HSPG2: variants seen among roughly 807,000 people sequenced by gnomAD.
HSPG2 encodes the protein heparan sulfate proteoglycan 2.
Under a neutral mutation model 526.6 loss-of-function variants are expected in HSPG2, and 278 were observed. The ratio of observed to expected loss-of-function variants is 0.53; its 90% CI spans 0.48 to 0.58. The LOEUF is 0.58. Ranked by LOEUF, HSPG2 falls within the 20% of genes least tolerant of loss-of-function variation. HSPG2 has a pLI of 0.00. For synonymous variants in HSPG2, 2,465 were observed against 2,555.4 expected, an observed-to-expected ratio of 0.96 and a Z score of 1.07; for missense variants, 5,354 against 6,099.5, an observed-to-expected ratio of 0.88 and a Z score of 4.07.
chr1:21,855,985 C>T, intron 44 of HSPG2, 73 bp from the exon 45 acceptor site: 1 of 1,575,906 alleles, frequency 6.3e-7, no homozygotes, highest in South Asian at 1.1e-5. Flanking sequence ...GTCCTGCTGC[C>T]TACTTTCTCT....
intron 1 of HSPG2, among the ~76,000 whole-genome samples, chr1:21,901,714 G>A (rs1572410669): frequency 1.3e-5 from 2 of 152,196 alleles, no homozygotes; most frequent in African/African-American, 4.8e-5. Context: ...GGCTGCAGCT[G>A]CCCAGGGCCA....
intron 85 of HSPG2, 107 bp downstream of exon 85, chr1:21,830,875 G>A: frequency 1.4e-6 from 1 of 724,474 alleles, no homozygotes; most frequent in East Asian, 2.7e-5. Flanking sequence ...GGTGAGAGTG[G>A]GGGGTGTGGA....
Position 21,872,324 on chromosome 1 carries a change from T to C in HSPG2, c.4083A>G (p.Pro1361=), listed in dbSNP as rs1438977805. 1.3e-6 allele frequency: 2 copies of C among 1,579,408 alleles called. No individual in the cohort carries two copies. Among genetic ancestry groups the C allele is most frequent in the African/African-American group, 1.4e-5 (1 of 74,016 alleles). Reference sequence around the variant, plus strand: ...CTCCTGTCAGGCGGCTGTTTCGCTGTGGGTTCACCAGGGCAAAGCCTTGGA... The same window carrying C: ...CTCCTGTCAGGCGGCTGTTTCGCTGCGGGTTCACCAGGGCAAAGCCTTGGA... ...GDFQGFALVN[P]QRNSRLTGEF... Residue 1361 remains proline (P), a synonymous_variant, in exon 33 of 97, where the codon CCA becomes CCG. Transcript: ENST00000374695. This position sits in a 1 kb window ranked among gnomAD's most constrained non-coding sequence, Gnocchi z 5.5.
chr1:21,874,890 C>T lies in HSPG2; in HGVS notation c.3414+1G>A, dbSNP rs779596412. On this transcript the variant is annotated splice_donor_variant, in intron 26 of 96. Transcript: ENST00000374695. LOFTEE classifies it high-confidence loss of function. ...GGGCTGGCGTGGGGCCCAGGACTCA[C>T]CTGGCAGGACGGCCCACGGTACCCG... is the stretch of plus-strand genomic sequence containing the variant. The T allele has an allele frequency of 1.2e-6, 2 of 1,610,366 alleles. No homozygotes were observed. Among genetic ancestry groups the T allele is most frequent in the Admixed American group, 1.7e-5 (1 of 59,738 alleles).
At position 21,875,661 on chromosome 1, in the gene HSPG2, T is replaced by C. The variant is rs775125965; in HGVS notation, c.3270A>G (p.Arg1090=). Residue 1090 remains arginine (R), a synonymous_variant, in exon 25 of 97, where the codon CGA becomes CGG. Coordinates refer to ENST00000374695, the MANE Select transcript of HSPG2 (RefSeq NM_005529.7). The stretch of plus-strand genomic sequence containing the variant: ...CAGCGGGCTGCTGGGCGTAGGATGC[T>C]CGGATCAGGAGGGTGTCGATGCCTG... ...ALAGIDTLLI[R]ASYAQQPAES... is the part of the protein sequence containing the mutation. 2 of 1,602,914 alleles carry C rather than the reference T, an allele frequency of 1.2e-6. No homozygotes were observed. The highest frequency in any genetic ancestry group is 2.2e-5 in the South Asian group (2 of 91,082).
intron 13 of HSPG2, among the ~76,000 whole-genome samples, chr1:21,883,774 G>A (rs1283806887): frequency 6.6e-6 from 1 of 152,250 alleles, no homozygotes. Context: ...GCTGCTTGAT[G>A]CCACGTGGAA....
rs1441480112 is a variant in HSPG2 at position 21,898,769 on chromosome 1, C to G, written c.64-2459G>C. 6.6e-6 allele frequency among the ~76,000 whole-genome samples: 1 copy of G among 152,202 alleles called. No homozygotes were observed. The highest frequency in any genetic ancestry group is 1.9e-4 in the East Asian group (1 of 5,188). On this transcript the variant is annotated intron_variant, in intron 1 of 96. Transcript: ENST00000374695. The surrounding 1 kb of genome is among the most constrained non-coding windows in gnomAD (Gnocchi z 4.0). ...GGTCCCCTCAACCTGGTGGGGGGCT[C>G]TGTCAATGCCAATCCCCCTCTCATT...
Position 21,828,384 on chromosome 1 carries a change from G to T in HSPG2, c.12280C>A (p.Leu4094Ile). ...GKRLDLTYSF[L>I]GSQGIGQCYD... ...CATTGCCCGATGCCCTGGCTGCCTAGGAAACTGTAGGTGAGGTCCAGCCGT... is the reference window on the plus strand; with the variant it reads ...CATTGCCCGATGCCCTGGCTGCCTATGAAACTGTAGGTGAGGTCCAGCCGT... The change falls in exon 89 of 97, where the codon CTA becomes ATA. Residue 4094 changes from leucine (L) to isoleucine (I), a missense_variant. Coordinates refer to ENST00000374695, the MANE Select transcript of HSPG2 (RefSeq NM_005529.7). This position sits in a 1 kb window ranked among gnomAD's most constrained non-coding sequence, Gnocchi z 6.0. 6.2e-7 allele frequency: 1 copy of T among 1,613,800 alleles called. No individual in the cohort carries two copies. The highest frequency in any genetic ancestry group is 1.1e-5 in the South Asian group (1 of 91,090).
intron 3 of HSPG2, among the ~76,000 whole-genome samples, chr1:21,894,746 C>T (rs1016255174): frequency 6.6e-6 from 1 of 152,174 alleles, no homozygotes; most frequent in South Asian, 2.1e-4. Flanking sequence ...AGAGGCAAGC[C>T]TGGCTTGGCC....
At position 21,835,527 on chromosome 1, in the gene HSPG2, G is replaced by C; in HGVS notation, c.10453+13C>G. On this transcript the variant is annotated intron_variant, in intron 76 of 96. Transcript: ENST00000374695. ...TCCCTGCTCTTAGCAGAGGCCTGAA[G>C]CCACCCTCCTACCTTGGATAACCAG... The C allele has an allele frequency of 6.3e-7, 1 of 1,593,108 alleles. No individual in the cohort carries two copies. Among genetic ancestry groups the C allele is most frequent in the South Asian group, 1.1e-5 (1 of 90,706 alleles).
chr1:21,831,371 C>G, intron 83 of HSPG2, 47 bp from the exon 84 acceptor site: 1 of 1,604,928 alleles, frequency 6.2e-7, no homozygotes, highest in Non-Finnish European at 8.5e-7. Flanking sequence ...GTGTCCCAGC[C>G]CATACCCTGA....
intron 55 of HSPG2, 27 bp downstream of exon 55, chr1:21,851,519 T>A: frequency 6.2e-7 from 1 of 1,613,138 alleles, no homozygotes; most frequent in Non-Finnish European, 8.5e-7. Context: ...TTCCTCTTCT[T>A]GGCCTGTCTG....
Position 21,822,834 on chromosome 1 carries a change from G to C in HSPG2, c.*482C>G, listed in dbSNP as rs1410573873. On this transcript the variant is annotated 3_prime_UTR_variant, in exon 97 of 97. Coordinates refer to ENST00000374695, the MANE Select transcript of HSPG2 (RefSeq NM_005529.7). ...CCTGCCCAGGGGTGAGCTGCCTTTT[G>C]CTCCACAGCCGGCACTAAAGACAAT... 6.2e-6 allele frequency: 1 copy of C among 160,790 alleles called. No individual in the cohort carries two copies. Among genetic ancestry groups the C allele is most frequent in the Admixed American group, 6.0e-5 (1 of 16,692 alleles). The allele number at this position is 160,790 out of a possible 1,614,324, so 10.0% of individuals were successfully genotyped here.
rs370635954 is a variant in HSPG2, at chr1:21,896,221, C to A, written c.153G>T (p.Ser51=). The A allele has an allele frequency of 1.2e-6, 2 of 1,613,914 alleles. No individual in the cohort carries two copies. Among genetic ancestry groups the A allele is most frequent in the Non-Finnish European group, 1.7e-6 (2 of 1,179,998 alleles). Reference sequence around the variant, plus strand: ...GCATGTCCTCATCATCAGAAAGGTACGAATGTGTCCAGCGCATTTGGCTTG... The same window carrying A: ...GCATGTCCTCATCATCAGAAAGGTAAGAATGTGTCCAGCGCATTTGGCTTG... The part of the protein sequence containing the change: ...VTASQMRWTH[S]YLSDDEDMLA... The change falls in exon 2 of 97, where the codon TCG becomes TCT. Residue 51 remains serine (S), a synonymous_variant. Coordinates refer to ENST00000374695, the MANE Select transcript of HSPG2 (RefSeq NM_005529.7).
intron 1 of HSPG2, among the ~76,000 whole-genome samples, chr1:21,935,628 A>G: frequency 6.6e-6 from 1 of 152,194 alleles, no homozygotes; most frequent in East Asian, 1.9e-4. Flanking sequence ...CCTCATGCAC[A>G]CAGCAAACAA....
chr1:21,849,162 A>T (rs1638692278), intron 57 of HSPG2, 131 bp from the exon 58 acceptor site: 2 of 1,081,318 alleles, frequency 1.8e-6, no homozygotes, highest in East Asian at 2.5e-5. Context: ...TCCAGGGAAA[A>T]CCACCTTCTC....
chr1:21,879,583 C>T (rs34212628), intron 17 of HSPG2, among the ~76,000 whole-genome samples: 1,717 of 152,322 alleles, frequency 0.011, 21 homozygotes, highest in South Asian at 0.023. Flanking sequence ...TCATTTGGCA[C>T]TCTCCAGGAT....
chr1:21,828,770 A>G lies in HSPG2; in HGVS notation c.12237+65T>C. 1 of 1,546,972 alleles carries G rather than the reference A, an allele frequency of 6.5e-7. No individual in the cohort carries two copies. The highest frequency in any genetic ancestry group is 1.2e-5 in the South Asian group (1 of 83,888). On this transcript the variant is annotated intron_variant, in intron 88 of 96. Coordinates refer to ENST00000374695, the MANE Select transcript of HSPG2 (RefSeq NM_005529.7). The surrounding 1 kb of genome is among the most constrained non-coding windows in gnomAD (Gnocchi z 6.0). ...GGGCCCAATGCCAAGGTGCTTGGAGAGCCGAGGGGGACACAAGGCTTGGCA... is the reference window on the plus strand; with the variant it reads ...GGGCCCAATGCCAAGGTGCTTGGAGGGCCGAGGGGGACACAAGGCTTGGCA...
At position 21,829,456 on chromosome 1, in the gene HSPG2, G is replaced by A. The variant is rs772504241; in HGVS notation, c.11919C>T (p.Ser3973=). ...DGVLLFSGGK[S]GPVEDFVSLA... is the part of the protein sequence containing the mutation. The stretch of plus-strand genomic sequence containing the variant: ...GGGACACGAAGTCCTCCACAGGCCC[G>A]CTCTTCCCCCCGCTGAACAGCAGGA... Residue 3973 remains serine, a synonymous_variant, in exon 87 of 97, where the codon AGC becomes AGT. Transcript: ENST00000374695. The A allele has an allele frequency of 8.7e-6, 14 of 1,613,214 alleles. 1 individual carries two copies. Among genetic ancestry groups the A allele is most frequent in the South Asian group, 3.3e-5 (3 of 91,080 alleles).
Sources: gnomAD v4.1 joint callset for allele counts (sites outside exome capture counted in the v4.1 genomes callset) on GRCh38, gnomAD v4.1.1 for gene constraint, Gnocchi (gnomAD v3.1) non-coding constraint, MANE v1.5 for transcripts, NCBI Gene and HGNC (gene_info 2026-07-23, HGNC 2026-07-21) for gene names.